FER: variants seen among roughly 807,000 people sequenced by gnomAD.
FER encodes the protein tyrosine-protein kinase Fer.
In FER, 63 loss-of-function variants were observed where a neutral mutation model predicts 111.0. The ratio of observed to expected loss-of-function variants is 0.57; its 90% CI spans 0.46 to 0.70. FER has a LOEUF of 0.70. FER is among the 30% of genes least tolerant of loss of function. The pLI, the probability that FER is intolerant of heterozygous loss-of-function variation, is 0.00. For missense variants in FER, 914 were observed against 954.0 expected, an observed-to-expected ratio of 0.96 and a Z score of 0.55; for synonymous variants, 327 against 313.9, an observed-to-expected ratio of 1.04 and a Z score of -0.44.
chr5:109,083,583 A>G (rs1777230355), intron 16 of FER, among the ~76,000 whole-genome samples: 1 of 152,086 alleles, frequency 6.6e-6, no homozygotes, highest in Admixed American at 6.6e-5. Flanking sequence ...GTATAAAAAT[A>G]TCTAGTAAAC....
chr5:108,963,044 A>G (rs540170488), intron 13 of FER, among the ~76,000 whole-genome samples: 22 of 152,332 alleles, frequency 1.4e-4, no homozygotes, highest in South Asian at 8.3e-4. Flanking sequence ...ATTTGTTTCT[A>G]TAAAAGAAAA....
chr5:108,990,755 T>G (rs905478178), intron 13 of FER, among the ~76,000 whole-genome samples: 1 of 151,650 alleles, frequency 6.6e-6, no homozygotes, highest in Non-Finnish European at 1.5e-5. Context: ...GTGAAATAGA[T>G]GAGTCATCTT....
intron 13 of FER, among the ~76,000 whole-genome samples, chr5:108,981,479 T>C (rs1349561474): frequency 2.0e-5 from 3 of 152,092 alleles, no homozygotes; most frequent in African/African-American, 7.2e-5. Flanking sequence ...AAAGTCGATA[T>C]AGGCTACACA....
chr5:108,928,694 A>T (rs1052031002), intron 10 of FER, among the ~76,000 whole-genome samples: 20 of 152,042 alleles, frequency 1.3e-4, no homozygotes, highest in Non-Finnish European at 2.9e-4. Context: ...CTCCCTTGAA[A>T]GCATATACAT....
intron 3 of FER, among the ~76,000 whole-genome samples, chr5:108,828,778 G>A (rs1302374612): frequency 6.6e-6 from 1 of 152,100 alleles, no homozygotes; most frequent in African/African-American, 2.4e-5. Context: ...TCAAGTGGCC[G>A]ACAATATTTT....
intron 10 of FER, among the ~76,000 whole-genome samples, chr5:108,901,300 A>G (rs533488686): frequency 6.6e-6 from 1 of 152,036 alleles, no homozygotes; most frequent in Non-Finnish European, 1.5e-5. Context: ...GATAAGTATG[A>G]TGAATTAAGT....
At chr5:109,026,332 T>G (rs1768731401) in intron 13 of FER, among the ~76,000 whole-genome samples, 1 of 152,184 alleles carries the variant, frequency 6.6e-6, no homozygotes, top group Non-Finnish European at 1.5e-5. Flanking sequence ...TTGGATTATT[T>G]AGAATGAATT....
intron 17 of FER, among the ~76,000 whole-genome samples, chr5:109,168,413 A>G (rs939110132): frequency 1.2e-4 from 18 of 152,100 alleles, no homozygotes; most frequent in African/African-American, 3.4e-4. Flanking sequence ...CCATCCCCCA[A>G]TCTCTGGGGA....
chr5:109,018,329 TA>T (rs1767465662), intron 13 of FER, among the ~76,000 whole-genome samples: 2 of 151,894 alleles, frequency 1.3e-5, no homozygotes, highest in Admixed American at 1.3e-4. Flanking sequence ...ATTGATTATA[TA>T]AAGATTTGCG....
intron 11 of FER, among the ~76,000 whole-genome samples, chr5:108,951,594 AAAGAT>A (rs1757758410): frequency 6.6e-6 from 1 of 152,246 alleles, no homozygotes; most frequent in South Asian, 2.1e-4. Flanking sequence ...TGAGAATAGA[AAAGAT>A]AATTAAATGT....
Position 108,771,254 on chromosome 5 carries a change from TG to T in FER, c.-60+3017del, listed in dbSNP as rs1332825632. Among the ~76,000 whole-genome samples, 14 of 152,286 alleles carry T rather than the reference TG, an allele frequency of 9.2e-5. No individual in the cohort carries two copies. The East Asian group carries it at 2.5e-3, about 27-fold the overall frequency. On this transcript the variant is annotated intron_variant, in intron 2 of 19. Transcript: ENST00000281092. ...CGGCCCCTCTGAAGAATTTTTAAGA[TG>T]TTTTCTCAAAAAAGTTAGTGTGTGT...
chr5:108,821,105 A>G (rs1234678102), intron 3 of FER, among the ~76,000 whole-genome samples: 1 of 152,198 alleles, frequency 6.6e-6, no homozygotes, highest in South Asian at 2.1e-4. Context: ...GAGTGAGACT[A>G]CGTCTCAAAA....
intron 14 of FER, among the ~76,000 whole-genome samples, chr5:109,041,626 T>C (rs1407797715): frequency 6.6e-6 from 1 of 152,134 alleles, no homozygotes; most frequent in Non-Finnish European, 1.5e-5. Flanking sequence ...TTCAAGAAAC[T>C]GAGAGTTTGA....
intron 13 of FER, among the ~76,000 whole-genome samples, chr5:109,003,180 A>T (rs1027717857): frequency 6.6e-6 from 1 of 152,152 alleles, no homozygotes; most frequent in Non-Finnish European, 1.5e-5. Context: ...ATGTTTATTG[A>T]AGCACTATTC....
At chr5:109,158,612 C>G (rs779633087) in intron 17 of FER, among the ~76,000 whole-genome samples, 1 of 152,146 alleles carries the variant, frequency 6.6e-6, no homozygotes, top group Admixed American at 6.6e-5. Context: ...CATCATACCT[C>G]TCTTGAGAAA....
intron 10 of FER, among the ~76,000 whole-genome samples, chr5:108,936,783 C>T (rs1755532988): frequency 2.0e-5 from 3 of 151,920 alleles, no homozygotes; most frequent in Non-Finnish European, 4.4e-5. Flanking sequence ...TCTGTATTAA[C>T]ACTTTTAGCT....
rs1239217785 is a variant in FER at position 109,196,676 on chromosome 5, G to A, written c.*9101G>A. The A allele has an allele frequency of 6.6e-6, 1 of 152,046 alleles. No individual in the cohort carries two copies. Among genetic ancestry groups the A allele is most frequent in the Non-Finnish European group, 1.5e-5 (1 of 68,022 alleles). 9.4% of individuals were successfully genotyped at this position (152,046 alleles called of 1,614,324 possible). On this transcript the variant is annotated 3_prime_UTR_variant, in exon 20 of 20. Coordinates refer to ENST00000281092, the MANE Select transcript of FER (RefSeq NM_005246.4). ...CTTTGAACTTTGGCTAACATTGTAG[G>A]ATATTTTTTAATTGTTTCTACATTT...
At chr5:109,124,801 C>T (rs939058085) in intron 17 of FER, among the ~76,000 whole-genome samples, 1 of 152,130 alleles carries the variant, frequency 6.6e-6, no homozygotes, top group Admixed American at 6.5e-5. Flanking sequence ...AATCCCAGCA[C>T]TTTGGGAGGC....
chr5:108,871,342 CA>C (rs779970249), intron 6 of FER, 22 bp from the exon 7 acceptor site: 48 of 1,594,744 alleles, frequency 3.0e-5, no homozygotes, highest in South Asian at 2.4e-4. Flanking sequence ...TAAAATGCTG[CA>C]AAATTTTATT....
Sources: allele counts gnomAD v4.1 joint callset (sites outside exome capture counted in the v4.1 genomes callset), GRCh38; gene constraint gnomAD v4.1.1; transcripts MANE v1.5; gene names NCBI Gene and HGNC (gene_info 2026-07-23, HGNC 2026-07-21).